SNX19: variants seen among roughly 807,000 people sequenced by gnomAD.
The protein encoded by SNX19 is sorting nexin 19.
A neutral mutation model predicts 85.2 loss-of-function variants in SNX19; 60 were observed. The ratio of observed to expected loss-of-function variants is 0.70; its 90% confidence interval spans 0.57 to 0.87. The LOEUF is 0.87. SNX19 is among the 40% of genes least tolerant of loss of function. SNX19 has a pLI of 0.00. For missense variants in SNX19, 1,201 were observed against 1,217.8 expected (o/e 0.99, Z 0.21); for synonymous variants, 520 against 470.0 (o/e 1.11, Z -1.38).
chr11:130,898,364 G>A (rs1945025893), intron 8 of SNX19, among the ~76,000 whole-genome samples: 1 of 152,160 alleles, frequency 6.6e-6, no homozygotes, highest in South Asian at 2.1e-4. Flanking sequence ...CAAATCTGGT[G>A]ACTACAGCAT....
At chr11:130,899,093 G>A (rs989932560) in intron 8 of SNX19, among the ~76,000 whole-genome samples, 3 of 152,156 alleles carry the variant, frequency 2.0e-5, no homozygotes, top group African/African-American at 7.2e-5. Flanking sequence ...GCTTTCGCAG[G>A]ACTTGGAGGA....
At chr11:130,899,943 A>C (rs1042398328) in intron 8 of SNX19, among the ~76,000 whole-genome samples, 1 of 152,226 alleles carries the variant, frequency 6.6e-6, no homozygotes, top group African/African-American at 2.4e-5. Context: ...ATGTGAAAAG[A>C]GGAGAAAGTC....
Position 130,914,747 on chromosome 11 carries a change from A to T in SNX19, c.1193T>A (p.Ile398Asn). Residue 398 changes from isoleucine (I) to asparagine (N), a missense_variant, in exon 1 of 11, where the codon ATT becomes AAT. By Grantham distance (149) the Ile-to-Asn change is moderately radical. Transcript: ENST00000265909. The part of the protein sequence containing the change: ...MTPGSFLSDR[I>N]QDALCALESS... ...CTCTAGGGCACACAGGGCATCCTGA[A>T]TCCTGTCAGAGAGAAAGCTGCCTGG... 1 of 1,614,146 alleles carries T rather than the reference A, an allele frequency of 6.2e-7. No homozygotes were observed. The highest frequency in any genetic ancestry group is 1.1e-5 in the South Asian group (1 of 91,086).
intron 8 of SNX19, among the ~76,000 whole-genome samples, chr11:130,890,538 G>C (rs1356112863): frequency 6.6e-6 from 1 of 152,164 alleles, no homozygotes; most frequent in East Asian, 1.9e-4. Context: ...TGAATGAGCA[G>C]ACTCCCTTTA....
chr11:130,914,271 C>T lies in SNX19; in HGVS notation c.1669G>A (p.Val557Met). The T allele has an allele frequency of 6.4e-7, 1 of 1,556,714 alleles. No individual in the cohort carries two copies. Among genetic ancestry groups the T allele is most frequent in the Non-Finnish European group, 8.7e-7 (1 of 1,150,416 alleles). ...CACAGCTTTAATCCTGTTACCTTCA[C>T]AGTATAGAGTGTGTATGGGTGGAAT... ...TGFHPYTLYTVKYETALDGEN... is the reference protein window; with the variant it reads ...TGFHPYTLYTMKYETALDGEN... Residue 557 changes from valine (V) to methionine (M), a missense_variant, in exon 1 of 11, where the codon GTG becomes ATG. Coordinates refer to ENST00000265909, the MANE Select transcript of SNX19 (RefSeq NM_014758.3).
In SNX19 at chr11:130,915,805, CAGA is replaced by C. The variant is rs758816985; in HGVS notation, c.132_134del (p.Leu45del). The C allele has an allele frequency of 1.2e-6, 2 of 1,614,180 alleles. No homozygotes were observed. The highest frequency in any genetic ancestry group is 3.3e-5 in the Admixed American group (2 of 60,028). On this transcript the variant is annotated inframe_deletion, in exon 1 of 11. Coordinates refer to ENST00000265909, the MANE Select transcript of SNX19 (RefSeq NM_014758.3). ...GAAGGCACAGCAGCCACACGTTGAC[CAGA>C]AGGTGTATGACCAGGAGCCAGCCAA... is the stretch of plus-strand genomic sequence containing the variant.
In SNX19 at chr11:130,878,408, G is replaced by A; in HGVS notation, c.*14C>T. ...TCTACTTCCCTGACCTGGGAAGAAGGCGTGAATAACCAGCTAAGAGGAGAC... is the reference window on the plus strand; with the variant it reads ...TCTACTTCCCTGACCTGGGAAGAAGACGTGAATAACCAGCTAAGAGGAGAC... On this transcript the variant is annotated 3_prime_UTR_variant, in exon 11 of 11. Transcript: ENST00000265909. 6.2e-7 allele frequency: 1 copy of A among 1,612,484 alleles called. No individual in the cohort carries two copies. Among genetic ancestry groups the A allele is most frequent in the Non-Finnish European group, 8.5e-7 (1 of 1,179,152 alleles).
intron 4 of SNX19, among the ~76,000 whole-genome samples, chr11:130,909,225 C>T (rs1338293338): frequency 2.0e-5 from 3 of 152,176 alleles, no homozygotes; most frequent in African/African-American, 7.2e-5. Flanking sequence ...ATGATATCTG[C>T]ATGGAACTCT....
At chr11:130,883,079 C>G (rs1356128961) in intron 8 of SNX19, among the ~76,000 whole-genome samples, 1 of 152,170 alleles carries the variant, frequency 6.6e-6, no homozygotes, top group Non-Finnish European at 1.5e-5. Flanking sequence ...TCCTTGTTCT[C>G]TTGCATGGTG....
chr11:130,879,562 T>TACCTCTGAG (rs1303091547), intron 10 of SNX19, 62 bp downstream of exon 10: 4 of 1,394,810 alleles, frequency 2.9e-6, no homozygotes, highest in Non-Finnish European at 4.1e-6. Context: ...AAACCTTGGA[T>TACCTCTGAG]ACCTCTGAGA....
At position 130,914,752 on chromosome 11, in the gene SNX19, G is replaced by T; in HGVS notation, c.1188C>A (p.Asp396Glu). ...MLMTPGSFLS[D>E]RIQDALCALE... is the part of the protein sequence containing the mutation. ...GGGCACACAGGGCATCCTGAATCCT[G>T]TCAGAGAGAAAGCTGCCTGGAGTCA... is the stretch of plus-strand genomic sequence containing the variant. The change falls in exon 1 of 11, where the codon GAC becomes GAA. Residue 396 changes from aspartate (D) to glutamate (E), a missense_variant. This residue lies in a region of SNX19 where 791 missense variants were observed against 750.9 expected (regional missense o/e 1.05). Transcript: ENST00000265909. The T allele has an allele frequency of 1.2e-6, 2 of 1,613,992 alleles. No homozygotes were observed. Among genetic ancestry groups the T allele is most frequent in the Middle Eastern group, 1.7e-4 (1 of 6,060 alleles).
intron 8 of SNX19, among the ~76,000 whole-genome samples, chr11:130,882,623 C>A (rs1358812118): frequency 1.3e-5 from 2 of 152,220 alleles, no homozygotes; most frequent in Non-Finnish European, 2.9e-5. Context: ...GCCGCATCTC[C>A]TTTTTATAGG....
chr11:130,915,380 T>C lies in SNX19; in HGVS notation c.560A>G (p.His187Arg). ...AGKNGPVEPS[H>R]LWEAYCRATA... ...CGCCCGGCAGTAAGCCTCCCAGAGG[T>C]GGGAAGGCTCAACTGGACCATTCTT... The change falls in exon 1 of 11, where the codon CAC becomes CGC. Residue 187 changes from histidine (H) to arginine (R), a missense_variant. By Grantham distance (29) the His-to-Arg change is conservative (BLOSUM62 0). Coordinates refer to ENST00000265909, the MANE Select transcript of SNX19 (RefSeq NM_014758.3). The C allele has an allele frequency of 1.2e-6, 2 of 1,613,976 alleles. No individual in the cohort carries two copies. The highest frequency in any genetic ancestry group is 1.7e-6 in the Non-Finnish European group (2 of 1,180,006).
Position 130,914,261 on chromosome 11 carries a change from G to C in SNX19, c.1674+5C>G. ...GGTGAGCACCCACAGCTTTAATCCT[G>C]TTACCTTCACAGTATAGAGTGTGTA... On this transcript the variant is annotated splice_donor_5th_base_variant and intron_variant, in intron 1 of 10. Transcript: ENST00000265909. The C allele has an allele frequency of 6.5e-7, 1 of 1,538,012 alleles. No homozygotes were observed. The highest frequency in any genetic ancestry group is 8.8e-7 in the Non-Finnish European group (1 of 1,141,114).
intron 8 of SNX19, among the ~76,000 whole-genome samples, chr11:130,902,491 G>T (rs1339979515): frequency 1.3e-5 from 2 of 152,172 alleles, no homozygotes; most frequent in Admixed American, 6.5e-5. Flanking sequence ...TCAGCATTTG[G>T]CTTCCTCTTA....
At chr11:130,911,838 T>A (rs1351364682) in intron 1 of SNX19, 67 bp from the exon 2 acceptor site, 14 of 1,530,354 alleles carry the variant, frequency 9.1e-6, no homozygotes, top group Non-Finnish European at 1.2e-5. Flanking sequence ...CTGGCTTTAC[T>A]GACTACTTGG....
intron 8 of SNX19, among the ~76,000 whole-genome samples, chr11:130,881,443 C>T (rs1302810560): frequency 1.3e-5 from 2 of 152,306 alleles, no homozygotes; most frequent in Non-Finnish European, 2.9e-5. Context: ...CCTATACCTT[C>T]CCAACTCTCC....
intron 8 of SNX19, among the ~76,000 whole-genome samples, chr11:130,889,328 G>T (rs585512): frequency 0.33 from 50,799 of 151,776 alleles, 12,447 homozygotes; most frequent in East Asian, 0.73. Flanking sequence ...ATTGGAAATG[G>T]GTGTTTAATT....
At chr11:130,895,121 T>C (rs1243392752) in intron 8 of SNX19, 7 of 985,376 alleles carry the variant, frequency 7.1e-6, no homozygotes, top group African/African-American at 1.7e-5. Flanking sequence ...TGGGGCTTCA[T>C]ACTGGGAGGC....
Sources: allele counts gnomAD v4.1 joint callset (sites outside exome capture counted in the v4.1 genomes callset), GRCh38; gene constraint gnomAD v4.1.1; regional missense constraint gnomAD v4.1.1; transcripts MANE v1.5; gene names NCBI Gene and HGNC (gene_info 2026-07-23, HGNC 2026-07-21).